HS6ST3: variants seen among roughly 807,000 people sequenced by gnomAD.
The protein encoded by HS6ST3 is heparan sulfate 6-O-sulfotransferase 3.
A neutral mutation model predicts 36.7 loss-of-function variants in HS6ST3; 12 were observed. The ratio of observed to expected loss-of-function variants is 0.33; its 90% CI spans 0.21 to 0.53. The LOEUF (loss-of-function observed/expected upper bound fraction) is 0.53, where lower values mean the gene tolerates loss of function less well. Ranked by LOEUF, HS6ST3 falls within the 20% of genes least tolerant of loss-of-function variation. The pLI, the probability that HS6ST3 is intolerant of heterozygous loss-of-function variation, is 0.95. For synonymous variants in HS6ST3, 240 were observed against 257.5 expected (o/e 0.93, Z 0.65); for missense variants, 584 against 640.9 (o/e 0.91, Z 0.96).
At chr13:96,406,473 T>C (rs1461123644) in intron 1 of HS6ST3, among the ~76,000 whole-genome samples, 6 of 152,218 alleles carry the variant, frequency 3.9e-5, no homozygotes, top group Admixed American at 1.3e-4. Flanking sequence ...ACTGAAGTGC[T>C]GTATGTATTC....
intron 1 of HS6ST3, among the ~76,000 whole-genome samples, chr13:96,624,828 A>G (rs2056506645): frequency 6.6e-6 from 1 of 152,216 alleles, no homozygotes; most frequent in African/African-American, 2.4e-5. Flanking sequence ...TTGAATGAAT[A>G]TAACACAATT....
At chr13:96,227,906 C>T (rs530313219) in intron 1 of HS6ST3, among the ~76,000 whole-genome samples, 8 of 152,238 alleles carry the variant, frequency 5.3e-5, no homozygotes, top group African/African-American at 1.2e-4. Context: ...AACAATTCTA[C>T]GGTTGGGTAT....
chr13:96,596,193 T>C (rs1257287540), intron 1 of HS6ST3, among the ~76,000 whole-genome samples: 2 of 152,180 alleles, frequency 1.3e-5, no homozygotes, highest in African/African-American at 4.8e-5. Flanking sequence ...TAAGAACATA[T>C]GGTATTTGGA....
At position 96,093,586 on chromosome 13, in the gene HS6ST3, T is replaced by A. The variant is rs550015854; in HGVS notation, c.707+2017T>A. On this transcript the variant is annotated intron_variant, in intron 1 of 1. Coordinates refer to ENST00000376705, the MANE Select transcript of HS6ST3 (RefSeq NM_153456.4). ...TTTCCTTTCTTTCTAAAAAAAAAAA[T>A]TTTTTTTTGGTAGTATTTTGTTTTT... Among the ~76,000 whole-genome samples, 144 of 150,904 alleles carry A rather than the reference T, an allele frequency of 9.5e-4. 2 individuals are homozygous for A. In the South Asian group the frequency reaches 0.012, roughly 13 times the overall value.
intron 1 of HS6ST3, among the ~76,000 whole-genome samples, chr13:96,455,979 T>C (rs1384090532): frequency 6.6e-6 from 1 of 152,202 alleles, no homozygotes; most frequent in Non-Finnish European, 1.5e-5. Flanking sequence ...ATTCACAATT[T>C]CTTAAGTTGT....
chr13:96,423,681 G>A (rs1431872953), intron 1 of HS6ST3, among the ~76,000 whole-genome samples: 1 of 152,042 alleles, frequency 6.6e-6, no homozygotes, highest in African/African-American at 2.4e-5. Flanking sequence ...GGCCAGTGTG[G>A]CTGGAGCAGA....
chr13:96,595,781 G>A (rs1449411214), intron 1 of HS6ST3, among the ~76,000 whole-genome samples: 1 of 149,296 alleles, frequency 6.7e-6, no homozygotes, highest in Non-Finnish European at 1.5e-5. Flanking sequence ...AAGTACACAA[G>A]TACTTTTTCT....
intron 1 of HS6ST3, among the ~76,000 whole-genome samples, chr13:96,782,318 A>G (rs1265272814): frequency 6.6e-6 from 1 of 152,148 alleles, no homozygotes; most frequent in Non-Finnish European, 1.5e-5. Context: ...GTTCTCCAAA[A>G]CAGTCGCCAT....
intron 1 of HS6ST3, among the ~76,000 whole-genome samples, chr13:96,704,920 T>C (rs755580980): frequency 3.3e-5 from 5 of 152,200 alleles, no homozygotes; most frequent in Non-Finnish European, 5.9e-5. Flanking sequence ...TTAAGCAATA[T>C]CATTTTGTTA....
chr13:96,787,104 AGTTT>A (rs1174027541), intron 1 of HS6ST3, among the ~76,000 whole-genome samples: 2 of 152,110 alleles, frequency 1.3e-5, no homozygotes, highest in South Asian at 2.1e-4. Flanking sequence ...GATGCCCCAC[AGTTT>A]GTTTATCTAT....
At chr13:96,196,758 C>A (rs757240828) in intron 1 of HS6ST3, among the ~76,000 whole-genome samples, 5 of 152,214 alleles carry the variant, frequency 3.3e-5, no homozygotes, top group Non-Finnish European at 5.9e-5. Flanking sequence ...AAGAGACTCA[C>A]CAGTGACATA....
At chr13:96,260,803 C>T (rs572884586) in intron 1 of HS6ST3, among the ~76,000 whole-genome samples, 15 of 152,130 alleles carry the variant, frequency 9.9e-5, no homozygotes, top group Middle Eastern at 3.4e-3. Flanking sequence ...CCACACCTAG[C>T]GAATTTTTGT....
At chr13:96,366,471 A>ATAAATAAATAAG (rs1296960049) in intron 1 of HS6ST3, among the ~76,000 whole-genome samples, 1 of 151,974 alleles carries the variant, frequency 6.6e-6, no homozygotes, top group Non-Finnish European at 1.5e-5. Flanking sequence ...AAATAAATAA[A>ATAAATAAATAAG]TAAAATGTGT....
intron 1 of HS6ST3, among the ~76,000 whole-genome samples, chr13:96,496,529 A>G (rs887502219): frequency 1.3e-5 from 2 of 152,034 alleles, no homozygotes; most frequent in Non-Finnish European, 2.9e-5. Flanking sequence ...TGAGACCACC[A>G]TGTCTCAGCT....
At chr13:96,373,262 A>G (rs1459150485) in intron 1 of HS6ST3, among the ~76,000 whole-genome samples, 1 of 152,164 alleles carries the variant, frequency 6.6e-6, no homozygotes, top group Non-Finnish European at 1.5e-5. Context: ...ACAGTCACAT[A>G]TTCCTGAGCA....
At chr13:96,491,750 C>T (rs1016088380) in intron 1 of HS6ST3, among the ~76,000 whole-genome samples, 1 of 152,210 alleles carries the variant, frequency 6.6e-6, no homozygotes, top group African/African-American at 2.4e-5. Flanking sequence ...GTCTCTGTCA[C>T]ATGCTAAACC....
intron 1 of HS6ST3, among the ~76,000 whole-genome samples, chr13:96,167,479 A>G (rs2054166707): frequency 6.6e-6 from 1 of 152,230 alleles, no homozygotes; most frequent in East Asian, 1.9e-4. Context: ...ATCTTTCCTC[A>G]TCGCCCAAGA....
chr13:96,287,566 T>G (rs1345765288), intron 1 of HS6ST3, among the ~76,000 whole-genome samples: 1 of 152,136 alleles, frequency 6.6e-6, no homozygotes, highest in Non-Finnish European at 1.5e-5. Context: ...AATTTTTCTT[T>G]TCATGGAATT....
chr13:96,096,169 GAGACATAAA>G (rs1240632354), intron 1 of HS6ST3, among the ~76,000 whole-genome samples: 1 of 152,146 alleles, frequency 6.6e-6, no homozygotes, highest in East Asian at 1.9e-4. Context: ...AAAATAAGGT[GAGACATAAA>G]AGCTTCCTTC....
Sources: allele counts gnomAD v4.1 joint callset (sites outside exome capture counted in the v4.1 genomes callset), GRCh38; gene constraint gnomAD v4.1.1; transcripts MANE v1.5; gene names NCBI Gene and HGNC (gene_info 2026-07-23, HGNC 2026-07-21).